Variants in USP12 observed in about 807,000 individuals in gnomAD.
The protein encoded by USP12 is ubiquitin carboxyl-terminal hydrolase 12.
Under a neutral mutation model 45.5 loss-of-function variants are expected in USP12, and 19 were observed. That is an observed-to-expected ratio of 0.42 (90% confidence interval 0.29 to 0.61). USP12 has a LOEUF of 0.61. USP12 is among the 20% of genes least tolerant of loss of function. The probability of loss-of-function intolerance (pLI) is 0.22; values close to 1 mark genes in which losing one functional copy is unlikely to be tolerated. For synonymous variants in USP12, 149 were observed against 148.8 expected (o/e 1.00, Z -0.01); for missense variants, 242 against 447.7 (o/e 0.54, Z 4.15).
chr13:27,127,047 A>C, intron 1 of USP12, among the ~76,000 whole-genome samples: 1 of 152,332 alleles, frequency 6.6e-6, no homozygotes. Flanking sequence ...GGGGTTCTGC[A>C]CTGATCTGCA....
At chr13:27,119,741 C>G (rs563359807) in intron 1 of USP12, among the ~76,000 whole-genome samples, 2 of 152,356 alleles carry the variant, frequency 1.3e-5, no homozygotes, top group Admixed American at 1.3e-4. Context: ...CACAATTCAA[C>G]AGCTTGAAGA....
intron 1 of USP12, among the ~76,000 whole-genome samples, chr13:27,134,923 G>A (rs1876728588): frequency 6.6e-6 from 1 of 152,206 alleles, no homozygotes; most frequent in South Asian, 2.1e-4. Context: ...TTAAATGAAA[G>A]TAGACATGTT....
At chr13:27,094,815 T>C (rs1470939611) in intron 4 of USP12, among the ~76,000 whole-genome samples, 1 of 151,524 alleles carries the variant, frequency 6.6e-6, no homozygotes, top group Non-Finnish European at 1.5e-5. Context: ...AATGTCCCCC[T>C]CTAAATTGGA....
At chr13:27,141,535 A>C (rs1877056955) in intron 1 of USP12, among the ~76,000 whole-genome samples, 1 of 152,202 alleles carries the variant, frequency 6.6e-6, no homozygotes, top group African/African-American at 2.4e-5. Flanking sequence ...GAAAGTGCTC[A>C]AAGAATGATA....
At chr13:27,106,964 G>C (rs922332911) in intron 2 of USP12, among the ~76,000 whole-genome samples, 1 of 152,136 alleles carries the variant, frequency 6.6e-6, no homozygotes, top group Non-Finnish European at 1.5e-5. Flanking sequence ...GTGACTTAAA[G>C]AATGTTTACC....
Position 27,167,354 on chromosome 13 carries a change from C to T in USP12, c.48+4238G>A, listed in dbSNP as rs139987505. On this transcript the variant is annotated intron_variant, in intron 1 of 8. Coordinates refer to ENST00000282344, the MANE Select transcript of USP12 (RefSeq NM_182488.4). ...GCTTTCTTGGAGTTTTTATATTTTC[C>T]AGATTTTCTATGAGAATGTATCATT... Among the ~76,000 whole-genome samples, 1,043 of 152,044 alleles carry T rather than the reference C, an allele frequency of 6.9e-3. 11 individuals are homozygous for T. The highest frequency in any genetic ancestry group is 0.024 in the African/African-American group (999 of 41,488).
At chr13:27,111,426 T>C (rs1275051692) in intron 2 of USP12, among the ~76,000 whole-genome samples, 1 of 152,226 alleles carries the variant, frequency 6.6e-6, no homozygotes, top group African/African-American at 2.4e-5. Context: ...TGCTGAAATC[T>C]ATGCTGTGTT....
At chr13:27,108,394 G>T (rs923559141) in intron 2 of USP12, among the ~76,000 whole-genome samples, 4 of 150,926 alleles carry the variant, frequency 2.7e-5, no homozygotes, top group African/African-American at 9.8e-5. Context: ...GGGGTGGGGG[G>T]AGAGGGGAGG....
intron 2 of USP12, among the ~76,000 whole-genome samples, chr13:27,106,644 G>A (rs1050582261): frequency 2.6e-5 from 4 of 152,072 alleles, no homozygotes; most frequent in Middle Eastern, 3.2e-3. Flanking sequence ...GGTTAAAAAG[G>A]CTAGGCAGAG....
At chr13:27,151,461 A>G (rs1005464602) in intron 1 of USP12, among the ~76,000 whole-genome samples, 2 of 152,204 alleles carry the variant, frequency 1.3e-5, no homozygotes, top group East Asian at 3.8e-4. Flanking sequence ...AACTAACAAG[A>G]AACTTGTATC....
At chr13:27,074,788 T>A (rs1290211650) in intron 7 of USP12, among the ~76,000 whole-genome samples, 1 of 152,164 alleles carries the variant, frequency 6.6e-6, no homozygotes, top group Non-Finnish European at 1.5e-5. Flanking sequence ...AAAAAATGAA[T>A]CTTTGAAGAT....
intron 1 of USP12, among the ~76,000 whole-genome samples, chr13:27,167,742 G>T (rs1336663311): frequency 6.6e-6 from 1 of 151,850 alleles, no homozygotes; most frequent in Non-Finnish European, 1.5e-5. Context: ...GAAGGAAAAA[G>T]AAATTTCATT....
intron 1 of USP12, among the ~76,000 whole-genome samples, chr13:27,166,806 A>G (rs965395958): frequency 3.3e-5 from 5 of 152,216 alleles, no homozygotes; most frequent in African/African-American, 1.2e-4. Context: ...TAACTATATC[A>G]CTTTACCCTC....
intron 1 of USP12, among the ~76,000 whole-genome samples, chr13:27,125,972 T>C (rs940638967): frequency 5.3e-5 from 8 of 152,260 alleles, no homozygotes; most frequent in Admixed American, 2.6e-4. Flanking sequence ...GCAGGGAAGC[T>C]TGAACTGGGC....
Position 27,095,815 on chromosome 13 carries a change from T to C in USP12, c.359A>G (p.Tyr120Cys). 6.3e-7 allele frequency: 1 copy of C among 1,596,232 alleles called. No homozygotes were observed. Among genetic ancestry groups the C allele is most frequent in the Non-Finnish European group, 8.5e-7 (1 of 1,173,786 alleles). ...LRKENELFDNYMQQDAHEFLN... is the reference protein window; with the variant it reads ...LRKENELFDNCMQQDAHEFLN... ...GAATTCATGGGCATCTTGTTGCATG[T>C]AGTTGTCAAAAAGCTCTGAAAATAA... Residue 120 changes from tyrosine (Y) to cysteine (C), a missense_variant, in exon 4 of 9, where the codon TAC (tyrosine) becomes TGC (cysteine). This residue lies in a region of USP12 where 77 missense variants were observed against 153.7 expected (regional missense o/e 0.50). Coordinates refer to ENST00000282344, the MANE Select transcript of USP12 (RefSeq NM_182488.4).
At chr13:27,098,838 C>T in intron 3 of USP12, among the ~76,000 whole-genome samples, 1 of 152,132 alleles carries the variant, frequency 6.6e-6, no homozygotes, top group East Asian at 1.9e-4. Context: ...GAATGCTGGG[C>T]AACGGTTAAA....
chr13:27,171,358 C>T (rs1279868042), intron 1 of USP12, among the ~76,000 whole-genome samples: 1 of 148,330 alleles, frequency 6.7e-6, no homozygotes, highest in Non-Finnish European at 1.5e-5. Flanking sequence ...GCTACCCTCG[C>T]GCCGCCCTGG....
intron 8 of USP12, 106 bp downstream of exon 8, chr13:27,070,965 G>A: frequency 2.2e-6 from 2 of 905,378 alleles, no homozygotes; most frequent in Non-Finnish European, 3.4e-6. Context: ...CCAGACATTT[G>A]TCTCATATCA....
chr13:27,168,010 C>T (rs1027494840), intron 1 of USP12, among the ~76,000 whole-genome samples: 3 of 152,210 alleles, frequency 2.0e-5, no homozygotes. Context: ...AAAGAAAAGA[C>T]AGCCAGTTTC....
Sources: gnomAD v4.1 joint callset for allele counts (sites outside exome capture counted in the v4.1 genomes callset) on GRCh38, gnomAD v4.1.1 for gene constraint, gnomAD v4.1.1 regional missense constraint, MANE v1.5 for transcripts, NCBI Gene and HGNC (gene_info 2026-07-23, HGNC 2026-07-21) for gene names.